The following SPOCK1 variants were observed in gnomAD, a reference collection of about 807,000 sequenced individuals.
SPOCK1 encodes testican-1.
A neutral mutation model predicts 55.3 loss-of-function variants in SPOCK1; 23 were observed. The observed-to-expected ratio is 0.42, with a 90% confidence interval of 0.30 to 0.59. The LOEUF is 0.59. Among genes scored for constraint, SPOCK1 ranks in the 20% least tolerant of loss-of-function variants. The pLI is 0.22. For synonymous variants in SPOCK1, 226 were observed against 221.0 expected (o/e 1.02, Z -0.20); for missense variants, 499 against 552.5 (o/e 0.90, Z 0.97).
At chr5:137,303,053 C>T (rs1296910724) in intron 2 of SPOCK1, among the ~76,000 whole-genome samples, 1 of 152,156 alleles carries the variant, frequency 6.6e-6, no homozygotes, top group Non-Finnish European at 1.5e-5. Flanking sequence ...CTGAGACACA[C>T]AGCTAGTGAG....
At chr5:137,224,330 G>A (rs1343046605) in intron 3 of SPOCK1, among the ~76,000 whole-genome samples, 1 of 152,232 alleles carries the variant, frequency 6.6e-6, no homozygotes, top group Non-Finnish European at 1.5e-5. Flanking sequence ...ACAGAGGACT[G>A]CTTGCCATGT....
At chr5:137,194,293 T>C (rs1755253927) in intron 3 of SPOCK1, among the ~76,000 whole-genome samples, 1 of 152,192 alleles carries the variant, frequency 6.6e-6, no homozygotes, top group South Asian at 2.1e-4. Context: ...CAGAGTAGCA[T>C]GGTGGTCTTG....
At chr5:137,471,325 CTTT>C (rs539917443) in intron 2 of SPOCK1, among the ~76,000 whole-genome samples, 7 of 152,264 alleles carry the variant, frequency 4.6e-5, no homozygotes, top group African/African-American at 1.7e-4. Context: ...GTATTTTTAT[CTTT>C]TTTTGTTTGT....
At chr5:137,016,524 G>C (rs1369552622) in intron 6 of SPOCK1, among the ~76,000 whole-genome samples, 1 of 152,178 alleles carries the variant, frequency 6.6e-6, no homozygotes, top group Admixed American at 6.5e-5. Context: ...TAAATTTTCT[G>C]TGGGAAACAG....
chr5:137,245,563 C>G (rs1756377215), intron 3 of SPOCK1, among the ~76,000 whole-genome samples: 1 of 152,000 alleles, frequency 6.6e-6, no homozygotes, highest in Admixed American at 6.5e-5. Context: ...AAAAACTTAG[C>G]AGAGTCAGAA....
chr5:137,273,458 T>A, intron 2 of SPOCK1: 1 of 849,706 alleles, frequency 1.2e-6, no homozygotes, highest in Non-Finnish European at 1.4e-6. Flanking sequence ...ATGTATACAT[T>A]TTTGATAATT....
intron 2 of SPOCK1, among the ~76,000 whole-genome samples, chr5:137,411,276 A>T (rs1257443336): frequency 6.6e-6 from 1 of 152,132 alleles, no homozygotes; most frequent in African/African-American, 2.4e-5. Flanking sequence ...GGCCTATAGG[A>T]TGGGACCTAA....
At chr5:137,400,124 A>T (rs1158160719) in intron 2 of SPOCK1, among the ~76,000 whole-genome samples, 1 of 152,226 alleles carries the variant, frequency 6.6e-6, no homozygotes, top group Non-Finnish European at 1.5e-5. Context: ...GTTAACTGGG[A>T]TATTCTTGCC....
At position 137,335,739 on chromosome 5, in the gene SPOCK1, C is replaced by A. The variant is rs540599878; in HGVS notation, c.187-68684G>T. Among the ~76,000 whole-genome samples the A allele has an allele frequency of 3.6e-3, 544 of 152,348 alleles. 2 individuals are homozygous for A. Among genetic ancestry groups the A allele is most frequent in the Non-Finnish European group, 6.7e-3 (454 of 68,030 alleles). On this transcript the variant is annotated intron_variant, in intron 2 of 10. Coordinates refer to ENST00000394945, the MANE Select transcript of SPOCK1 (RefSeq NM_004598.4). Reference sequence around the variant, plus strand: ...AGGGTCAGGCCTTGCACAGGGAAAGCAAACGTTAATTAACTTGCATATTGC... The same window carrying A: ...AGGGTCAGGCCTTGCACAGGGAAAGAAAACGTTAATTAACTTGCATATTGC...
intron 7 of SPOCK1, among the ~76,000 whole-genome samples, chr5:136,989,803 G>A (rs1334417028): frequency 6.6e-6 from 1 of 152,132 alleles, no homozygotes; most frequent in Non-Finnish European, 1.5e-5. Flanking sequence ...GGGGGGGCCT[G>A]ATGGGGTCAG....
chr5:137,020,451 A>G (rs184667169), intron 6 of SPOCK1, among the ~76,000 whole-genome samples: 2,578 of 152,016 alleles, frequency 0.017, 54 homozygotes, highest in African/African-American at 0.044. Flanking sequence ...GTATGCACTT[A>G]ATAATATAAA....
At chr5:137,340,933 G>T (rs549614363) in intron 2 of SPOCK1, among the ~76,000 whole-genome samples, 6 of 150,560 alleles carry the variant, frequency 4.0e-5, no homozygotes, top group Non-Finnish European at 8.8e-5. Flanking sequence ...TGTCTGACTT[G>T]CCCAAAATCC....
At chr5:137,239,869 G>A (rs545852272) in intron 3 of SPOCK1, among the ~76,000 whole-genome samples, 2 of 152,156 alleles carry the variant, frequency 1.3e-5, no homozygotes, top group South Asian at 2.1e-4. Flanking sequence ...TTAAATCTAG[G>A]ACTTTTTAAA....
At chr5:137,029,331 C>G (rs1751733966) in intron 6 of SPOCK1, among the ~76,000 whole-genome samples, 1 of 152,180 alleles carries the variant, frequency 6.6e-6, no homozygotes, top group Admixed American at 6.5e-5. Flanking sequence ...ATAAATATGT[C>G]AAAGAAAAGG....
chr5:137,100,723 C>G (rs191685499), intron 5 of SPOCK1, among the ~76,000 whole-genome samples: 3 of 152,206 alleles, frequency 2.0e-5, no homozygotes, highest in African/African-American at 7.2e-5. Context: ...GGACACAGGG[C>G]CTTTCCTGCT....
rs1323687715 is a variant in SPOCK1, at chr5:137,168,150, A to C, written c.233-27456T>G. 9.2e-5 allele frequency among the ~76,000 whole-genome samples: 14 copies of C among 152,086 alleles called. No homozygotes were observed. The East Asian group carries it at 2.7e-3, about 29-fold the overall frequency. On this transcript the variant is annotated intron_variant, in intron 3 of 10. Transcript: ENST00000394945. ...GTCTCTTCAATACATGGCACTGAGA[A>C]AACTGGATATCCATATGCAGAAGAA...
intron 3 of SPOCK1, among the ~76,000 whole-genome samples, chr5:137,250,228 T>G (rs1272022866): frequency 6.6e-6 from 1 of 152,184 alleles, no homozygotes; most frequent in Non-Finnish European, 1.5e-5. Flanking sequence ...CAAGGCCAAA[T>G]TGGGTTGTTG....
At chr5:137,089,837 C>T (rs1197023432) in intron 5 of SPOCK1, among the ~76,000 whole-genome samples, 1 of 151,922 alleles carries the variant, frequency 6.6e-6, no homozygotes, top group Non-Finnish European at 1.5e-5. Flanking sequence ...TTTGTGAAGC[C>T]CTAGGTTAGA....
chr5:137,157,125 G>A (rs1340638565), intron 3 of SPOCK1, among the ~76,000 whole-genome samples: 2 of 151,904 alleles, frequency 1.3e-5, no homozygotes, highest in Non-Finnish European at 2.9e-5. Flanking sequence ...ACTCTTACAT[G>A]AATTGCCCAC....
Sources: gnomAD v4.1 joint callset for allele counts (sites outside exome capture counted in the v4.1 genomes callset) on GRCh38, gnomAD v4.1.1 for gene constraint, MANE v1.5 for transcripts, NCBI Gene and HGNC (gene_info 2026-07-23, HGNC 2026-07-21) for gene names.